Variants in ASCC3 observed in about 807,000 individuals in gnomAD.
ASCC3 encodes ASC-1 complex subunit P200.
Under a neutral mutation model 256.3 loss-of-function variants are expected in ASCC3, and 158 were observed. That is an observed-to-expected ratio of 0.62 (90% CI 0.54 to 0.70). The LOEUF (loss-of-function observed/expected upper bound fraction) is 0.70, where lower values mean the gene tolerates loss of function less well. Ranked by LOEUF, ASCC3 falls within the 30% of genes least tolerant of loss-of-function variation. The pLI, the probability that ASCC3 is intolerant of heterozygous loss-of-function variation, is 0.00. For missense variants in ASCC3, 2,259 were observed against 2,626.0 expected, an observed-to-expected ratio of 0.86 and a Z score of 3.05; for synonymous variants, 948 against 883.4, an observed-to-expected ratio of 1.07 and a Z score of -1.30.
rs1278675713 is a variant in ASCC3, at chr6:100,509,967, A to G, written c.6426T>C (p.Ala2142=). 2.5e-6 allele frequency: 4 copies of G among 1,614,078 alleles called. No individual in the cohort carries two copies. In the South Asian group the frequency reaches 4.4e-5, roughly 18 times the overall value. The stretch of plus-strand genomic sequence containing the variant: ...TTTCAGGGGTATAAAAAGAAAGGGA[A>G]GCAACATGATGATTTCGAATATATC... ...RVGYIRNHHV[A]SLSFYTPEIP... The change falls in exon 41 of 42, where the codon GCT becomes GCC. Residue 2142 remains alanine (A), a synonymous_variant. Transcript: ENST00000369162.
In ASCC3 at chr6:100,858,946, T is replaced by C; in HGVS notation, c.241+5118A>G. The C allele has an allele frequency of 4.8e-6, 3 of 620,074 alleles. No individual in the cohort carries two copies. In the South Asian group the frequency reaches 5.9e-5, roughly 12 times the overall value. 38.4% of individuals were successfully genotyped at this position (620,074 alleles called of 1,614,324 possible). A position where few individuals can be genotyped will look rare whatever the true frequency, so the allele number is the denominator to read the frequency against. Reference sequence around the variant, plus strand: ...TTTAACCTCTTTTAATCTACAATAGTACTCTCATACCTTTTTAAATGACAT... The same window carrying C: ...TTTAACCTCTTTTAATCTACAATAGCACTCTCATACCTTTTTAAATGACAT... On this transcript the variant is annotated intron_variant, in intron 3 of 41. Transcript: ENST00000369162.
At chr6:100,825,069 C>G (rs1475130187) in intron 4 of ASCC3, among the ~76,000 whole-genome samples, 1 of 152,084 alleles carries the variant, frequency 6.6e-6, no homozygotes, top group Non-Finnish European at 1.5e-5. Context: ...AAATTATAAT[C>G]TATACTGTTT....
chr6:100,540,421 CA>C (rs1562104546), intron 36 of ASCC3, 34 bp from the exon 37 acceptor site: 8 of 1,522,816 alleles, frequency 5.3e-6, no homozygotes, highest in Non-Finnish European at 7.2e-6. Flanking sequence ...ATTGTTGGAT[CA>C]AAGTATAATA....
chr6:100,735,756 C>CATAGTATT (rs1780124344), intron 10 of ASCC3, among the ~76,000 whole-genome samples: 1 of 152,070 alleles, frequency 6.6e-6, no homozygotes, highest in African/African-American at 2.4e-5. Flanking sequence ...GTAAAAAAGA[C>CATAGTATT]ATAGTATTAT....
intron 10 of ASCC3, among the ~76,000 whole-genome samples, chr6:100,763,104 G>C (rs745610485): frequency 1.4e-4 from 22 of 152,172 alleles, no homozygotes; most frequent in Non-Finnish European, 8.8e-5. Context: ...AGTTGAATAT[G>C]TATGTACTCC....
intron 14 of ASCC3, among the ~76,000 whole-genome samples, chr6:100,668,742 A>G (rs1562212834): frequency 1.3e-5 from 2 of 151,952 alleles, no homozygotes; most frequent in Non-Finnish European, 2.9e-5. Flanking sequence ...CAACCCCAGA[A>G]TGCAAGGGCA....
chr6:100,567,776 A>T (rs893210282), intron 36 of ASCC3, among the ~76,000 whole-genome samples: 1 of 151,974 alleles, frequency 6.6e-6, no homozygotes, highest in Non-Finnish European at 1.5e-5. Context: ...TATGTACCAC[A>T]TTTTTTTATC....
At chr6:100,773,914 T>C (rs1209463137) in intron 8 of ASCC3, among the ~76,000 whole-genome samples, 2 of 152,194 alleles carry the variant, frequency 1.3e-5, no homozygotes, top group South Asian at 2.1e-4. Flanking sequence ...AAAAGCCCTA[T>C]ATTCAACTTT....
intron 19 of ASCC3, 33 bp downstream of exon 19, chr6:100,651,527 T>C: frequency 7.6e-7 from 1 of 1,324,426 alleles, no homozygotes; most frequent in Non-Finnish European, 1.1e-6. Flanking sequence ...ATACATGTTG[T>C]ATGCATTTGA....
At chr6:100,650,107 T>G (rs1562197945) in intron 20 of ASCC3, among the ~76,000 whole-genome samples, 1 of 151,698 alleles carries the variant, frequency 6.6e-6, no homozygotes, top group East Asian at 1.9e-4. Context: ...CTACGCCTTG[T>G]TTAATGATTA....
intron 36 of ASCC3, among the ~76,000 whole-genome samples, chr6:100,560,027 A>G (rs1302048592): frequency 6.6e-6 from 1 of 152,184 alleles, no homozygotes; most frequent in Non-Finnish European, 1.5e-5. Flanking sequence ...CACTAAAAAT[A>G]GAATGGTTAT....
At chr6:100,598,695 G>C (rs2114790541) in intron 34 of ASCC3, among the ~76,000 whole-genome samples, 1 of 152,080 alleles carries the variant, frequency 6.6e-6, no homozygotes, top group African/African-American at 2.4e-5. Context: ...TGTGCTCCTG[G>C]CTCATCTCAC....
intron 14 of ASCC3, among the ~76,000 whole-genome samples, chr6:100,665,312 T>C (rs1776409839): frequency 1.3e-5 from 2 of 152,140 alleles, no homozygotes; most frequent in Admixed American, 6.6e-5. Context: ...TGCATTTTTT[T>C]TATTGGTTCA....
At chr6:100,704,504 T>C (rs1778490479) in intron 13 of ASCC3, among the ~76,000 whole-genome samples, 1 of 151,998 alleles carries the variant, frequency 6.6e-6, no homozygotes, top group Non-Finnish European at 1.5e-5. Flanking sequence ...TGATGGAATT[T>C]GTTTTGATTT....
chr6:100,866,018 G>A (rs2114551104), intron 2 of ASCC3, among the ~76,000 whole-genome samples: 1 of 151,940 alleles, frequency 6.6e-6, no homozygotes, highest in East Asian at 1.9e-4. Flanking sequence ...CACCCAGGCT[G>A]GAGTCCAGTG....
intron 13 of ASCC3, among the ~76,000 whole-genome samples, chr6:100,711,437 A>G (rs1254980757): frequency 1.3e-5 from 2 of 152,140 alleles, no homozygotes; most frequent in Admixed American, 1.3e-4. Context: ...TCATAATGAA[A>G]TCTATAGGGC....
intron 13 of ASCC3, among the ~76,000 whole-genome samples, chr6:100,690,880 T>TA (rs1777812075): frequency 6.6e-6 from 1 of 152,130 alleles, no homozygotes; most frequent in African/African-American, 2.4e-5. Flanking sequence ...TTTTAAGTGA[T>TA]AAATAGTTTC....
chr6:100,535,463 C>CAT (rs1775111595), intron 37 of ASCC3, among the ~76,000 whole-genome samples: 1 of 128,328 alleles, frequency 7.8e-6, no homozygotes, highest in Admixed American at 8.2e-5. Context: ...AGCTGGTTTT[C>CAT]GTGTTTTTTT....
chr6:100,833,534 T>A (rs890506362), intron 4 of ASCC3, among the ~76,000 whole-genome samples: 3 of 152,274 alleles, frequency 2.0e-5, no homozygotes, highest in Admixed American at 2.0e-4. Context: ...ATACAAGATG[T>A]TAGGAGAAAA....
Sources: allele counts gnomAD v4.1 joint callset (sites outside exome capture counted in the v4.1 genomes callset), GRCh38; gene constraint gnomAD v4.1.1; transcripts MANE v1.5; gene names NCBI Gene and HGNC (gene_info 2026-07-23, HGNC 2026-07-21).